Variants in NAF1 observed in about 807,000 individuals in gnomAD.
NAF1 encodes H/ACA ribonucleoprotein complex non-core subunit NAF1.
NAF1 carries 11 observed loss-of-function variants against 40.6 expected under a neutral mutation model. The ratio of observed to expected loss-of-function variants is 0.27; its 90% CI spans 0.17 to 0.45. The LOEUF (loss-of-function observed/expected upper bound fraction) is 0.45, where lower values mean the gene tolerates loss of function less well. Ranked by LOEUF, NAF1 falls within the 20% of genes least tolerant of loss-of-function variation. NAF1 has a pLI of 1.00. For synonymous variants in NAF1, 260 were observed against 228.5 expected (o/e 1.14, Z -1.24); for missense variants, 607 against 611.1 (o/e 0.99, Z 0.07).
chr4:163,159,481 G>A (rs928168346), intron 2 of NAF1, among the ~76,000 whole-genome samples: 24 of 152,176 alleles, frequency 1.6e-4, no homozygotes, highest in African/African-American at 5.8e-4. Context: ...ACCAACTTAT[G>A]CCTAGAAAAC....
At chr4:163,166,211 G>A (rs1732454491) in intron 1 of NAF1, 152 bp downstream of exon 1, 1 of 951,926 alleles carries the variant, frequency 1.1e-6, no homozygotes, top group South Asian at 1.8e-5. Flanking sequence ...GGGGCAGTCG[G>A]AGCCAATACT....
chr4:163,162,395 C>G (rs1174632860), intron 2 of NAF1, among the ~76,000 whole-genome samples: 1 of 152,188 alleles, frequency 6.6e-6, no homozygotes, highest in Non-Finnish European at 1.5e-5. Context: ...GCACAGTGGT[C>G]TGAAGGACTT....
intron 2 of NAF1, among the ~76,000 whole-genome samples, chr4:163,149,889 G>T (rs1481964819): frequency 6.6e-6 from 1 of 152,128 alleles, no homozygotes; most frequent in African/African-American, 2.4e-5. Context: ...CTGCAGAGAA[G>T]AGGGCTTTAA....
chr4:163,108,058 T>A (rs1360231432), downstream of NAF1, among the ~76,000 whole-genome samples: 1 of 152,212 alleles, frequency 6.6e-6, no homozygotes, highest in African/African-American at 2.4e-5. Context: ...TGCTAGAGTG[T>A]GGAAATTAAG....
intron 6 of NAF1, chr4:163,135,108 G>A (rs1018209633): frequency 6.6e-5 from 10 of 152,106 alleles, no homozygotes; most frequent in Non-Finnish European, 1.3e-4. Context: ...TGATACAACC[G>A]TAGGTAATTT....
Position 163,128,904 on chromosome 4 carries a change from T to G in NAF1, c.1478A>C (p.Tyr493Ser), listed in dbSNP as rs143001503. ...SGDSNSHFGP[Y>S]Y ...CTGGAAATGCATAGTCACCTAATAG[T>G]AAGGTCCAAAATGAGAATTACTATC... The change falls in exon 8 of 8, where the codon TAC (tyrosine) becomes TCC (serine). Residue 493 changes from tyrosine (Y) to serine (S), a missense_variant. Physicochemically the swap from Tyr to Ser is moderately radical, Grantham distance 144. This residue lies in a region of NAF1 where 189 missense variants were observed against 216.6 expected (regional missense o/e 0.87). Coordinates refer to ENST00000274054, the MANE Select transcript of NAF1 (RefSeq NM_138386.3). 2,676 of 1,491,242 alleles carry G rather than the reference T, an allele frequency of 1.8e-3. 7 individuals carry two copies. Among genetic ancestry groups the G allele is most frequent in the Admixed American group, 2.7e-3 (114 of 42,304 alleles). The allele number at this position is 1,491,242 out of a possible 1,614,324, so 92.4% of individuals were successfully genotyped here.
intron 2 of NAF1, among the ~76,000 whole-genome samples, chr4:163,116,117 T>C (rs985331195): frequency 1.1e-4 from 17 of 152,206 alleles, no homozygotes; most frequent in African/African-American, 3.6e-4. Context: ...TGACACAATA[T>C]GGCAATCTGA....
chr4:163,137,207 G>A lies in NAF1; in HGVS notation c.922C>T (p.Pro308Ser). The change falls in exon 6 of 8, where the codon CCA (proline) becomes TCA (serine). Residue 308 changes from proline (P) to serine (S), a missense_variant. Physicochemically the swap from Pro to Ser is moderately conservative, Grantham distance 74. Around this residue, in one of 3 missense-constraint regions of NAF1, gnomAD observed 11 missense variants for 29.1 expected, o/e 0.38. Coordinates refer to ENST00000274054, the MANE Select transcript of NAF1 (RefSeq NM_138386.3). ...DASWKNDQEP[P>S]PEALDFSDDE... ...AAAAGACTTATACTTACCTCTGGTG[G>A]TGGTTCCTGATCATTCTTCCATGAT... 1 of 1,612,478 alleles carries A rather than the reference G, an allele frequency of 6.2e-7. No individual in the cohort carries two copies. Among genetic ancestry groups the A allele is most frequent in the Non-Finnish European group, 8.5e-7 (1 of 1,178,840 alleles).
chr4:163,117,703 ACACACACACACACACG>A, intron 2 of NAF1, among the ~76,000 whole-genome samples: 1 of 151,136 alleles, frequency 6.6e-6, no homozygotes, highest in African/African-American at 2.4e-5. Context: ...ACACACACAC[ACACACACACACACACG>A]CATGAATACA....
At chr4:163,138,445 A>G (rs77803394) in intron 5 of NAF1, among the ~76,000 whole-genome samples, 2,584 of 152,162 alleles carry the variant, frequency 0.017, 90 homozygotes, top group African/African-American at 0.058. Flanking sequence ...ATTACAAAAA[A>G]TCAAAATCTA....
chr4:163,143,947 C>T, intron 4 of NAF1: 1 of 760,400 alleles, frequency 1.3e-6, no homozygotes, highest in South Asian at 6.0e-5. Context: ...ATTTCAATCA[C>T]TGTGTGTATT....
intron 2 of NAF1, among the ~76,000 whole-genome samples, chr4:163,115,410 G>A (rs758263954): frequency 1.8e-4 from 27 of 151,476 alleles, no homozygotes; most frequent in Non-Finnish European, 5.9e-5. Flanking sequence ...GGGTTTCACC[G>A]TGGTCTCGAT....
In NAF1 at chr4:163,137,267, T is replaced by A; in HGVS notation, c.879-17A>T. 6.3e-7 allele frequency: 1 copy of A among 1,597,916 alleles called. No homozygotes were observed. The highest frequency in any genetic ancestry group is 8.5e-7 in the Non-Finnish European group (1 of 1,173,562). ...CCCTTATCCCTGAGTGGGGTGGGGA[T>A]GGGAGTCAAAAAAGTATTCATCACA... On this transcript the variant is annotated splice_polypyrimidine_tract_variant and intron_variant, in intron 5 of 7. Transcript: ENST00000274054.
At chr4:163,147,890 T>C (rs1381006418) in intron 3 of NAF1, among the ~76,000 whole-genome samples, 1 of 151,980 alleles carries the variant, frequency 6.6e-6, no homozygotes, top group Non-Finnish European at 1.5e-5. Flanking sequence ...GAGCCAAAAG[T>C]CAAGGAATGT....
downstream of NAF1, among the ~76,000 whole-genome samples, chr4:163,122,770 C>G (rs893488276): frequency 6.6e-6 from 1 of 152,166 alleles, no homozygotes; most frequent in African/African-American, 2.4e-5. Flanking sequence ...CCTGTCCTCT[C>G]TTACCCTCCT....
chr4:163,129,457 A>C, intron 7 of NAF1, 109 bp from the exon 8 acceptor site: 1 of 1,152,666 alleles, frequency 8.7e-7, no homozygotes, highest in Non-Finnish European at 1.2e-6. Flanking sequence ...ATCTTGTGGC[A>C]GTTAAAAAAG....
chr4:163,153,036 C>CT (rs1391320519), intron 2 of NAF1, among the ~76,000 whole-genome samples: 1 of 152,216 alleles, frequency 6.6e-6, no homozygotes, highest in Non-Finnish European at 1.5e-5. Context: ...AGTGCCAGCC[C>CT]AGCAGCACTG....
intron 5 of NAF1, among the ~76,000 whole-genome samples, chr4:163,138,551 T>C (rs1176331077): frequency 1.3e-5 from 2 of 152,086 alleles, no homozygotes; most frequent in South Asian, 2.1e-4. Context: ...TAGAGAACAG[T>C]AAGCTGGAAA....
chr4:163,160,366 A>G (rs1278017627), intron 2 of NAF1, among the ~76,000 whole-genome samples: 1 of 152,150 alleles, frequency 6.6e-6, no homozygotes, highest in Non-Finnish European at 1.5e-5. Context: ...AAACAAAAAC[A>G]AAAACAAAAA....
Sources: gnomAD v4.1 joint callset for allele counts (sites outside exome capture counted in the v4.1 genomes callset) on GRCh38, gnomAD v4.1.1 for gene constraint, gnomAD v4.1.1 regional missense constraint, MANE v1.5 for transcripts, NCBI Gene and HGNC (gene_info 2026-07-23, HGNC 2026-07-21) for gene names.